The following ARGFX variants were observed in gnomAD, a reference collection of about 807,000 sequenced individuals.
The protein encoded by ARGFX is arginine-fifty homeobox.
In ARGFX, 10 loss-of-function variants were observed where a neutral mutation model predicts 8.0. That is an observed-to-expected ratio of 1.25 (90% CI 0.77 to 2.12). The LOEUF (loss-of-function observed/expected upper bound fraction) is 2.12, where lower values mean the gene tolerates loss of function less well. Ranked by LOEUF, ARGFX falls within the 30% of genes most tolerant of loss-of-function variation. ARGFX has a pLI of 0.00. For synonymous variants in ARGFX, 116 were observed against 117.8 expected (o/e 0.98, Z 0.10); for missense variants, 282 against 324.3 (o/e 0.87, Z 1.00).
At chr3:121,570,905 C>A (rs532276032) in intron 2 of ARGFX, 89 bp downstream of exon 2, 2 of 881,100 alleles carry the variant, frequency 2.3e-6, no homozygotes, top group South Asian at 2.6e-5. Context: ...TGTTTTAAGG[C>A]AGCTATTGAT....
At chr3:121,582,662 C>T (rs545414526) in intron 3 of ARGFX, among the ~76,000 whole-genome samples, 14 of 152,174 alleles carry the variant, frequency 9.2e-5, no homozygotes, top group African/African-American at 3.1e-4. Context: ...CTTTTAAGTA[C>T]AAGAAGGGAG....
chr3:121,580,667 C>T (rs540749780), intron 3 of ARGFX, among the ~76,000 whole-genome samples: 12 of 136,370 alleles, frequency 8.8e-5, no homozygotes, highest in Admixed American at 1.6e-4. Flanking sequence ...TGCAGTGGTG[C>T]GGACTTGACT....
In ARGFX at chr3:121,590,222, T is replaced by C. The variant is rs2048836512; in HGVS notation, c.*3622T>C. 6.6e-6 allele frequency among the ~76,000 whole-genome samples: 1 copy of C among 152,110 alleles called. No homozygotes were observed. Among genetic ancestry groups the C allele is most frequent in the African/African-American group, 2.4e-5 (1 of 41,420 alleles). On this transcript the variant is annotated 3_prime_UTR_variant, in exon 5 of 5. Transcript: ENST00000334384. ...ATACCAAATCTGACTCCACAAGAAA[T>C]AGATGTTGTGAATAGAGCTTGCTAT...
At chr3:121,573,817 CA>C (rs1449231777) in intron 2 of ARGFX, among the ~76,000 whole-genome samples, 2 of 135,680 alleles carry the variant, frequency 1.5e-5, no homozygotes, top group Non-Finnish European at 3.0e-5. Flanking sequence ...CATTGCACTC[CA>C]GCCTGGGCAA....
intron 1 of ARGFX, 92 bp from the exon 2 acceptor site, chr3:121,570,610 T>A: frequency 1.7e-5 from 12 of 708,242 alleles, no homozygotes; most frequent in Non-Finnish European, 1.1e-5. Flanking sequence ...TTGCCAGAGG[T>A]CATACATCAA....
At chr3:121,577,257 ATATTTTT>A (rs1330576296) in intron 3 of ARGFX, among the ~76,000 whole-genome samples, 1 of 56,436 alleles carries the variant, frequency 1.8e-5, no homozygotes, top group African/African-American at 6.1e-5. Context: ...ATATATATAT[ATATTTTT>A]TTTTTTTTAA....
chr3:121,573,267 G>C (rs1351961470), intron 2 of ARGFX, among the ~76,000 whole-genome samples: 1 of 152,134 alleles, frequency 6.6e-6, no homozygotes, highest in Non-Finnish European at 1.5e-5. Flanking sequence ...GATCACCTGA[G>C]GTCAGGAGTT....
In ARGFX at chr3:121,588,924, T is replaced by C. The variant is rs2048830549; in HGVS notation, c.*2324T>C. 2.6e-5 allele frequency among the ~76,000 whole-genome samples: 4 copies of C among 152,196 alleles called. No homozygotes were observed. Among genetic ancestry groups the C allele is most frequent in the Admixed American group, 2.0e-4 (3 of 15,270 alleles). On this transcript the variant is annotated 3_prime_UTR_variant, in exon 5 of 5. Coordinates refer to ENST00000334384, the MANE Select transcript of ARGFX (RefSeq NM_001012659.2). Reference sequence around the variant, plus strand: ...CAATAAAATTTGGGAAATTCACAAATATGTGGATATTAAACAACACATTCC... The same window carrying C: ...CAATAAAATTTGGGAAATTCACAAACATGTGGATATTAAACAACACATTCC...
rs945543071 is a variant in ARGFX at position 121,589,517 on chromosome 3, C to T, written c.*2917C>T. ...TTAGCCTCCCAAGTAGCTGGGACTA[C>T]AGGTGTACGCCACCACACCCAGCTA... On this transcript the variant is annotated 3_prime_UTR_variant, in exon 5 of 5. Coordinates refer to ENST00000334384, the MANE Select transcript of ARGFX (RefSeq NM_001012659.2). Among the ~76,000 whole-genome samples the T allele has an allele frequency of 2.6e-5, 4 of 152,074 alleles. No homozygotes were observed. Among genetic ancestry groups the T allele is most frequent in the South Asian group, 2.1e-4 (1 of 4,826 alleles).
intron 1 of ARGFX, among the ~76,000 whole-genome samples, chr3:121,568,609 C>A (rs976087471): frequency 1.3e-5 from 2 of 152,178 alleles, no homozygotes; most frequent in Non-Finnish European, 2.9e-5. Context: ...GTCAGTAAGA[C>A]CTGATTCATT....
At chr3:121,576,497 C>A (rs2048736740) in intron 2 of ARGFX, among the ~76,000 whole-genome samples, 2 of 151,966 alleles carry the variant, frequency 1.3e-5, no homozygotes, top group African/African-American at 2.4e-5. Flanking sequence ...CGCCACCATG[C>A]CCAGCTAATT....
At chr3:121,575,422 ATT>A (rs1369609004) in intron 2 of ARGFX, among the ~76,000 whole-genome samples, 1 of 152,142 alleles carries the variant, frequency 6.6e-6, no homozygotes, top group Non-Finnish European at 1.5e-5. Context: ...CTGTAAACTC[ATT>A]TAAAGTAGCC....
intron 3 of ARGFX, among the ~76,000 whole-genome samples, chr3:121,584,266 GGAA>G (rs1560122472): frequency 1.4e-5 from 2 of 138,292 alleles, no homozygotes; most frequent in African/African-American, 5.4e-5. Context: ...AAGGAAGGAA[GGAA>G]AGAAAAGAAG....
At chr3:121,577,130 C>G (rs1420737778) in intron 3 of ARGFX, among the ~76,000 whole-genome samples, 1 of 138,772 alleles carries the variant, frequency 7.2e-6, no homozygotes, top group African/African-American at 2.6e-5. Context: ...GTAGTCTACT[C>G]TCTATATATT....
rs1376959144 is a variant in ARGFX, at chr3:121,586,585, C to T, written c.933C>T (p.Asp311=). The T allele has an allele frequency of 6.2e-7, 1 of 1,612,960 alleles. No homozygotes were observed. The highest frequency in any genetic ancestry group is 8.5e-7 in the Non-Finnish European group (1 of 1,179,480). Residue 311 remains aspartate, a synonymous_variant, in exon 5 of 5, where the codon GAC becomes GAT. Transcript: ENST00000334384. The part of the protein sequence containing the change: ...LEFQKTSNMV[D]LGFL ...TCCAGAAAACCTCCAATATGGTAGA[C>T]TTGGGATTTCTCTGACCAGAGTACT...
intron 3 of ARGFX, among the ~76,000 whole-genome samples, chr3:121,578,819 C>T (rs1032727526): frequency 7.4e-5 from 11 of 149,350 alleles, no homozygotes; most frequent in South Asian, 2.1e-4. Context: ...TGCAGGCACC[C>T]GCCACCACAC....
rs1305505971 is a variant in ARGFX, at chr3:121,586,545, C to T, written c.893C>T (p.Thr298Ile). The stretch of plus-strand genomic sequence containing the variant: ...CAAGCCTTTGAAGCCTACAGTCTAA[C>T]AGATAGCCTGGAATTCCAGAAAACC... ...TSQAFEAYSLTDSLEFQKTSN... is the reference protein window; with the variant it reads ...TSQAFEAYSLIDSLEFQKTSN... Residue 298 changes from threonine (T) to isoleucine (I), a missense_variant, in exon 5 of 5, where the codon ACA (threonine) becomes ATA (isoleucine). Coordinates refer to ENST00000334384, the MANE Select transcript of ARGFX (RefSeq NM_001012659.2). 6.2e-7 allele frequency: 1 copy of T among 1,614,148 alleles called. No homozygotes were observed. Among genetic ancestry groups the T allele is most frequent in the Non-Finnish European group, 8.5e-7 (1 of 1,180,034 alleles).
intron 3 of ARGFX, 39 bp downstream of exon 3, chr3:121,576,939 T>C: frequency 3.7e-6 from 1 of 272,024 alleles, no homozygotes; most frequent in Non-Finnish European, 7.3e-6. Flanking sequence ...AGACGAGATT[T>C]CACCATGTGG....
chr3:121,576,689 TTCTTTCTCTTTCTTTCTTTTTCTTTC>T (rs1342470542), intron 2 of ARGFX, 69 bp from the exon 3 acceptor site: 1 of 309,252 alleles, frequency 3.2e-6, no homozygotes, highest in Admixed American at 4.7e-5. Flanking sequence ...TTCTTTTTCT[TTCTTTCTCTTTCTTTCTTTTTCTTTC>T]TTTCTTTCTT....
Sources: gnomAD v4.1 joint callset for allele counts (sites outside exome capture counted in the v4.1 genomes callset) on GRCh38, gnomAD v4.1.1 for gene constraint, MANE v1.5 for transcripts, NCBI Gene and HGNC (gene_info 2026-07-23, HGNC 2026-07-21) for gene names.